The following STXBP5L variants were observed in gnomAD, a reference collection of about 807,000 sequenced individuals.
STXBP5L encodes the protein syntaxin binding protein 5L, also known as syntaxin-binding protein 5-like.
In STXBP5L, 65 loss-of-function variants were observed where a neutral mutation model predicts 144.5. The ratio of observed to expected loss-of-function variants is 0.45; its 90% confidence interval spans 0.37 to 0.55. The LOEUF is 0.55. STXBP5L is among the 20% of genes least tolerant of loss of function. The probability of loss-of-function intolerance (pLI) is 0.00; values close to 1 mark genes in which losing one functional copy is unlikely to be tolerated. For synonymous variants in STXBP5L, 505 were observed against 469.6 expected (o/e 1.08, Z -0.97); for missense variants, 1,298 against 1,405.5 (o/e 0.92, Z 1.22).
chr3:121,192,432 A>G (rs1026816319), intron 9 of STXBP5L, among the ~76,000 whole-genome samples: 4 of 152,228 alleles, frequency 2.6e-5, no homozygotes, highest in Admixed American at 6.5e-5. Flanking sequence ...GTCTCCATCA[A>G]GCTATCAATG....
intron 5 of STXBP5L, among the ~76,000 whole-genome samples, chr3:121,074,946 T>A (rs373607881): frequency 6.6e-6 from 1 of 152,206 alleles, no homozygotes; most frequent in East Asian, 1.9e-4. Flanking sequence ...ATTGACATAA[T>A]TTTTAGACAA....
chr3:121,185,287 AG>A (rs1457694902), intron 9 of STXBP5L, among the ~76,000 whole-genome samples: 1 of 152,026 alleles, frequency 6.6e-6, no homozygotes, highest in East Asian at 1.9e-4. Context: ...GCTGTGCAAA[AG>A]CTCTTTAGTT....
At chr3:121,360,290 C>G (rs1204469129) in intron 20 of STXBP5L, among the ~76,000 whole-genome samples, 1 of 151,060 alleles carries the variant, frequency 6.6e-6, no homozygotes, top group Non-Finnish European at 1.5e-5. Flanking sequence ...CAACATGTGT[C>G]TTTATAGGTG....
intron 9 of STXBP5L, among the ~76,000 whole-genome samples, chr3:121,181,917 G>A (rs2047170840): frequency 2.0e-5 from 3 of 147,468 alleles, no homozygotes; most frequent in African/African-American, 7.5e-5. Flanking sequence ...TCTTATATCA[G>A]ACAACATAGA....
rs143582092 is a variant in STXBP5L at position 121,143,429 on chromosome 3, A to C, written c.670-9048A>C. Among the ~76,000 whole-genome samples the C allele has an allele frequency of 3.8e-3, 570 of 151,986 alleles. 1 individual carries two copies. Among genetic ancestry groups the C allele is most frequent in the Non-Finnish European group, 6.7e-3 (453 of 67,812 alleles). On this transcript the variant is annotated intron_variant, in intron 7 of 26. Transcript: ENST00000471454. ...GATGAAATAGATGCAAAAATCCTCA[A>C]CAAAATACTGGCAAACTGAATCCAA...
rs1297642292 is a variant in STXBP5L, at chr3:121,233,664, T to C, written c.1160T>C (p.Ile387Thr). 4 of 1,612,524 alleles carry C rather than the reference T, an allele frequency of 2.5e-6. No homozygotes were observed. Among genetic ancestry groups the C allele is most frequent in the Non-Finnish European group, 3.4e-6 (4 of 1,179,126 alleles). The change falls in exon 12 of 27, where the codon ATT becomes ACT. Residue 387 changes from isoleucine (I) to threonine (T), a missense_variant. Coordinates refer to ENST00000471454, the MANE Select transcript of STXBP5L (RefSeq NM_001308330.2). ...GTGGTACTTCTGGAGAAAGATCTCATTGTAGTTGATCTGACACAAAGCAAG... is the reference window on the plus strand; with the variant it reads ...GTGGTACTTCTGGAGAAAGATCTCACTGTAGTTGATCTGACACAAAGCAAG... ...AVVVLLEKDLIVVDLTQSNFP... is the reference protein window; with the variant it reads ...AVVVLLEKDLTVVDLTQSNFP...
chr3:121,372,854 G>C (rs1452885697), intron 20 of STXBP5L, among the ~76,000 whole-genome samples: 1 of 151,974 alleles, frequency 6.6e-6, no homozygotes, highest in Non-Finnish European at 1.5e-5. Context: ...ATTGCAGAAG[G>C]ATACTGAAAG....
At chr3:120,976,258 C>T (rs1260094157) in intron 3 of STXBP5L, among the ~76,000 whole-genome samples, 1 of 152,130 alleles carries the variant, frequency 6.6e-6, no homozygotes, top group African/African-American at 2.4e-5. Context: ...CAACTTCTTC[C>T]TGGTTTAGTC....
chr3:121,061,950 T>C (rs2041303849), intron 5 of STXBP5L, among the ~76,000 whole-genome samples: 1 of 152,236 alleles, frequency 6.6e-6, no homozygotes, highest in Non-Finnish European at 1.5e-5. Flanking sequence ...AATTGGGGCA[T>C]TTAGCCTGTT....
At chr3:121,277,500 CCTTT>C (rs1227752301) in intron 18 of STXBP5L, among the ~76,000 whole-genome samples, 4 of 152,014 alleles carry the variant, frequency 2.6e-5, no homozygotes, top group Admixed American at 2.0e-4. Flanking sequence ...TCCATTCCTT[CCTTT>C]GTCACATTTG....
At chr3:120,920,402 C>T (rs764397201) in intron 2 of STXBP5L, among the ~76,000 whole-genome samples, 5 of 151,502 alleles carry the variant, frequency 3.3e-5, no homozygotes, top group African/African-American at 1.2e-4. Context: ...TTTTGGGGTA[C>T]ATATGGTAAT....
At chr3:121,348,673 G>T (rs866014170) in intron 20 of STXBP5L, among the ~76,000 whole-genome samples, 27 of 151,870 alleles carry the variant, frequency 1.8e-4, no homozygotes, top group South Asian at 8.4e-4. Context: ...ACTTCTTCCT[G>T]GTTTAGTCTT....
At chr3:121,097,435 G>T (rs2043185504) in intron 5 of STXBP5L, among the ~76,000 whole-genome samples, 1 of 152,190 alleles carries the variant, frequency 6.6e-6, no homozygotes, top group Non-Finnish European at 1.5e-5. Context: ...CCAGGGCCCT[G>T]GTGGGGTAGG....
intron 3 of STXBP5L, among the ~76,000 whole-genome samples, chr3:121,020,335 T>A (rs1480513673): frequency 6.6e-6 from 1 of 152,182 alleles, no homozygotes; most frequent in African/African-American, 2.4e-5. Context: ...TTGGAAAACA[T>A]ATTTGAGGGA....
At chr3:121,121,541 G>A (rs2044464825) in intron 6 of STXBP5L, 100 bp from the exon 7 acceptor site, 3 of 812,528 alleles carry the variant, frequency 3.7e-6, no homozygotes, top group Admixed American at 4.5e-5. Context: ...AGAATGGTGG[G>A]ATTTTATTCC....
intron 2 of STXBP5L, among the ~76,000 whole-genome samples, chr3:120,953,159 A>G (rs1395066543): frequency 6.6e-6 from 1 of 152,002 alleles, no homozygotes. Context: ...AATGGATCTT[A>G]CAGACATGCT....
rs991555966 is a variant in STXBP5L, at chr3:121,199,422, T to C, written c.878-6501T>C. Among the ~76,000 whole-genome samples the C allele has an allele frequency of 2.0e-5, 3 of 152,216 alleles. No homozygotes were observed. The South Asian group carries it at 6.2e-4, about 32-fold the overall frequency. ...TTTCTAAATATACAATCTTGTCATC[T>C]GCAAACAGAGACAATATGACTTCCT... On this transcript the variant is annotated intron_variant, in intron 9 of 26. Coordinates refer to ENST00000471454, the MANE Select transcript of STXBP5L (RefSeq NM_001308330.2).
chr3:121,254,392 G>C (rs2050138987), intron 15 of STXBP5L, among the ~76,000 whole-genome samples: 2 of 152,092 alleles, frequency 1.3e-5, no homozygotes, highest in South Asian at 4.1e-4. Flanking sequence ...TCCCAATATT[G>C]CTAACTGGTA....
At chr3:121,167,381 AAAAT>A in intron 9 of STXBP5L, among the ~76,000 whole-genome samples, 1 of 152,210 alleles carries the variant, frequency 6.6e-6, no homozygotes, top group South Asian at 2.1e-4. Context: ...AAGTAAATAG[AAAAT>A]AAAGATATTT....
Sources: allele counts gnomAD v4.1 joint callset (sites outside exome capture counted in the v4.1 genomes callset), GRCh38; gene constraint gnomAD v4.1.1; transcripts MANE v1.5; gene names NCBI Gene and HGNC (gene_info 2026-07-23, HGNC 2026-07-21).